Variants in EPB41L1 observed in about 807,000 individuals in gnomAD.
EPB41L1 encodes the protein band 4.1-like protein 1.
Under a neutral mutation model 97.8 loss-of-function variants are expected in EPB41L1, and 29 were observed. The ratio of observed to expected loss-of-function variants is 0.30; its 90% CI spans 0.22 to 0.40. EPB41L1 has a LOEUF of 0.40. Ranked by LOEUF, EPB41L1 falls within the 10% of genes least tolerant of loss-of-function variation. The pLI is 1.00. For synonymous variants in EPB41L1, 383 were observed against 459.2 expected (o/e 0.83, Z 2.12); for missense variants, 812 against 1,162.3 (o/e 0.70, Z 4.38).
chr20:36,201,711 C>T (rs2062507325), intron 14 of EPB41L1, among the ~76,000 whole-genome samples: 2 of 152,146 alleles, frequency 1.3e-5, no homozygotes. Context: ...AAGTGGAGGG[C>T]TCTTTGAACT....
chr20:36,091,569 T>A (rs957894217), exon 1 of EPB41L1: 2 of 152,230 alleles, frequency 1.3e-5, no homozygotes, highest in African/African-American at 4.8e-5. Flanking sequence ...AGGCTCCTGA[T>A]CTGCAAAATG....
chr20:36,192,566 G>T (rs899674305), intron 11 of EPB41L1, among the ~76,000 whole-genome samples: 4 of 151,896 alleles, frequency 2.6e-5, no homozygotes, highest in African/African-American at 9.7e-5. Flanking sequence ...GTGGAAAGTG[G>T]GGACTTGGGT....
At chr20:36,172,573 T>A (rs767207064) in intron 1 of EPB41L1, among the ~76,000 whole-genome samples, 1 of 152,212 alleles carries the variant, frequency 6.6e-6, no homozygotes, top group Non-Finnish European at 1.5e-5. Context: ...CACAAACATA[T>A]GTTGTTGAGG....
chr20:36,189,309 A>G (rs993706145), intron 9 of EPB41L1, among the ~76,000 whole-genome samples: 2 of 152,022 alleles, frequency 1.3e-5, no homozygotes, highest in African/African-American at 4.8e-5. Flanking sequence ...AGATCATGGC[A>G]AGCCCACTCC....
rs149168869 is a variant in EPB41L1 at position 36,222,231 on chromosome 20, G to A, written c.2521-47G>A. 544 of 1,513,006 alleles carry A rather than the reference G, an allele frequency of 3.6e-4. 1 individual carries two copies. The African/African-American group carries it at 5.4e-3, about 15-fold the overall frequency. The allele number at this position is 1,513,006 out of a possible 1,614,324, so 93.7% of individuals were successfully genotyped here. On this transcript the variant is annotated intron_variant, in intron 20 of 21. Transcript: ENST00000338074. ...CTTGCTGTTCTTCACAGTCTCTCTC[G>A]TCTTGGATAGTTCATGGTTCCTTCC...
intron 2 of EPB41L1, among the ~76,000 whole-genome samples, chr20:36,143,065 T>C (rs1020334189): frequency 2.6e-5 from 4 of 152,038 alleles, no homozygotes; most frequent in African/African-American, 9.7e-5. Flanking sequence ...CTCCTGCCGG[T>C]TCCGAGTGAC....
intron 9 of EPB41L1, 82 bp downstream of exon 9, chr20:36,188,581 AACACACACACACACACACACACACAC>A (rs55990020): frequency 1.8e-4 from 82 of 467,342 alleles, no homozygotes; most frequent in South Asian, 4.6e-4. Context: ...CTGGACTGCC[AACACACACACACACACACACACACAC>A]ACACACACAC....
chr20:36,119,439 T>C (rs1432945999), intron 2 of EPB41L1, among the ~76,000 whole-genome samples: 1 of 151,932 alleles, frequency 6.6e-6, no homozygotes, highest in African/African-American at 2.4e-5. Context: ...CCATCTCCAC[T>C]AAAAATACAA....
chr20:36,095,069 T>G (rs2057785910), intron 1 of EPB41L1, among the ~76,000 whole-genome samples: 1 of 152,128 alleles, frequency 6.6e-6, no homozygotes, highest in South Asian at 2.1e-4. Context: ...CCTCCTGGGT[T>G]CAAGCAATTC....
chr20:36,179,616 G>A (rs1016957686), intron 5 of EPB41L1, among the ~76,000 whole-genome samples: 1 of 152,254 alleles, frequency 6.6e-6, no homozygotes, highest in Non-Finnish European at 1.5e-5. Context: ...GGCAGCCTGA[G>A]TAGTTGGAGA....
At chr20:36,141,309 A>T (rs1412354786) in intron 2 of EPB41L1, among the ~76,000 whole-genome samples, 1 of 152,148 alleles carries the variant, frequency 6.6e-6, no homozygotes, top group Non-Finnish European at 1.5e-5. Flanking sequence ...CAAAGTAGAA[A>T]TGTGAAGGTT....
Position 36,139,611 on chromosome 20 carries a change from C to G in EPB41L1, c.-10+27131C>G, listed in dbSNP as rs2059557344. On this transcript the variant is annotated intron_variant, in intron 2 of 19. Transcript: ENST00000202028. ...ACAGCACTAGCTCAGCGCTTCAGAC[C>G]TAGTTGTTGCTCAGTAAATAAATAG... 2.0e-5 allele frequency among the ~76,000 whole-genome samples: 3 copies of G among 152,196 alleles called. No homozygotes were observed. In the East Asian group the frequency reaches 5.8e-4, roughly 29 times the overall value.
Position 36,092,238 on chromosome 20 carries a change from C to G in EPB41L1, c.-65+626C>G, listed in dbSNP as rs541234267. Among the ~76,000 whole-genome samples the G allele has an allele frequency of 3.9e-5, 6 of 152,190 alleles. No homozygotes were observed. The South Asian group carries it at 8.3e-4, about 21-fold the overall frequency. ...GGGCCGCGGGGTTACCCCGGGGCAC[C>G]GGGCACAGAGCCGAGAAGTCTAAGC... is the stretch of plus-strand genomic sequence containing the variant. On this transcript the variant is annotated intron_variant, in intron 1 of 19. Transcript: ENST00000202028. The surrounding 1 kb of genome is among the most constrained non-coding windows in gnomAD (Gnocchi z 7.0).
At chr20:36,132,326 G>A (rs2059241550) in intron 2 of EPB41L1, among the ~76,000 whole-genome samples, 2 of 151,936 alleles carry the variant, frequency 1.3e-5, no homozygotes, top group African/African-American at 2.4e-5. Context: ...CTTGGTTCAT[G>A]GCCCCTTCTA....
At chr20:36,095,961 G>A (rs1461255074) in intron 1 of EPB41L1, among the ~76,000 whole-genome samples, 4 of 152,018 alleles carry the variant, frequency 2.6e-5, no homozygotes, top group East Asian at 1.9e-4. Context: ...AGGAGGCGGA[G>A]GTTGCAGTGA....
At chr20:36,105,612 C>A (rs2058165325) in intron 1 of EPB41L1, among the ~76,000 whole-genome samples, 1 of 152,150 alleles carries the variant, frequency 6.6e-6, no homozygotes, top group Non-Finnish European at 1.5e-5. Context: ...GAGGGCTATC[C>A]CACATTGCCA....
chr20:36,174,056 A>G, intron 2 of EPB41L1, 102 bp downstream of exon 2: 2 of 1,284,870 alleles, frequency 1.6e-6, no homozygotes, highest in Non-Finnish European at 2.2e-6. Context: ...AAAGAAGGAA[A>G]CTAAGATTTA....
chr20:36,105,027 G>A (rs2058144569), intron 1 of EPB41L1, among the ~76,000 whole-genome samples: 1 of 152,292 alleles, frequency 6.6e-6, no homozygotes, highest in Non-Finnish European at 1.5e-5. Flanking sequence ...TGAGTGGGCC[G>A]GAGCCGTCAT....
chr20:36,171,576 C>A (rs1043615272), intron 1 of EPB41L1, among the ~76,000 whole-genome samples: 1 of 152,122 alleles, frequency 6.6e-6, no homozygotes, highest in African/African-American at 2.4e-5. Flanking sequence ...CACCGTTATC[C>A]ACTCTGTGGG....
Sources: gnomAD v4.1 joint callset for allele counts (sites outside exome capture counted in the v4.1 genomes callset) on GRCh38, gnomAD v4.1.1 for gene constraint, Gnocchi (gnomAD v3.1) non-coding constraint, MANE v1.5 for transcripts, NCBI Gene and HGNC (gene_info 2026-07-23, HGNC 2026-07-21) for gene names.